Variants in WSCD2 observed in about 807,000 individuals in gnomAD.
The protein encoded by WSCD2 is sialate:O-sulfotransferase 2.
A neutral mutation model predicts 55.7 loss-of-function variants in WSCD2; 28 were observed. That is an observed-to-expected ratio of 0.50 (90% CI 0.37 to 0.69). The LOEUF (loss-of-function observed/expected upper bound fraction) is 0.69. Among genes scored for constraint, WSCD2 ranks in the 30% least tolerant of loss-of-function variants. WSCD2 has a pLI of 0.00. For synonymous variants in WSCD2, 301 were observed against 301.9 expected (o/e 1.00, Z 0.03); for missense variants, 616 against 762.1 (o/e 0.81, Z 2.26).
chr12:108,147,744 T>A (rs771325879), intron 1 of WSCD2, among the ~76,000 whole-genome samples: 13 of 151,756 alleles, frequency 8.6e-5, no homozygotes, highest in Non-Finnish European at 1.9e-4. Flanking sequence ...CCGGGTGTGG[T>A]GTTGCACACC....
In WSCD2 at chr12:108,248,289, A is replaced by G; in HGVS notation, c.1644A>G (p.Ala548=). 1 of 1,614,220 alleles carries G rather than the reference A, an allele frequency of 6.2e-7. No homozygotes were observed. Among genetic ancestry groups the G allele is most frequent in the Non-Finnish European group, 8.5e-7 (1 of 1,180,032 alleles). Reference sequence around the variant, plus strand: ...CTGCCTACATCAAGATGGTGGATGCAGCCCTCAAAGGGCGGAACCTAACGG... The same window carrying G: ...CTGCCTACATCAAGATGGTGGATGCGGCCCTCAAAGGGCGGAACCTAACGG... ...TISAYIKMVD[A]ALKGRNLTGV... is the part of the protein sequence containing the mutation. Residue 548 remains alanine, a synonymous_variant, in exon 9 of 9, where the codon GCA becomes GCG. Transcript: ENST00000547525. This position sits in a 1 kb window ranked among gnomAD's most constrained non-coding sequence, Gnocchi z 4.3.
intron 3 of WSCD2, among the ~76,000 whole-genome samples, chr12:108,208,435 AG>A (rs1271522624): frequency 1.3e-5 from 2 of 152,216 alleles, no homozygotes; most frequent in African/African-American, 2.4e-5. Context: ...TGCAAGGTGC[AG>A]GAAAGTCAAG....
chr12:108,133,716 G>A lies in WSCD2; in HGVS notation c.-552+3790G>A, dbSNP rs11113758. ...TCATTTTTCCAAGTGCCTTTGCCTT[G>A]CAGTGCTCCAAAGCCCGGTGTATCC... On this transcript the variant is annotated intron_variant, in intron 1 of 8. Transcript: ENST00000547525. Among the ~76,000 whole-genome samples, 623 of 152,268 alleles carry A rather than the reference G, an allele frequency of 4.1e-3. 4 individuals carry two copies. The highest frequency in any genetic ancestry group is 0.014 in the African/African-American group (583 of 41,544).
chr12:108,195,743 C>T lies in WSCD2; in HGVS notation c.-90C>T, dbSNP rs911701041. On this transcript the variant is annotated 5_prime_UTR_variant, in exon 2 of 9. Transcript: ENST00000547525. ...ACTGAGGACCCCCAAGTGTTCCATC[C>T]CTAAGGAAAGCTTGGGAAACCAAGC... 27 of 1,504,528 alleles carry T rather than the reference C, an allele frequency of 1.8e-5. No individual in the cohort carries two copies. In the African/African-American group the frequency reaches 3.1e-4, roughly 17 times the overall value. The allele number at this position is 1,504,528 out of a possible 1,614,324, so 93.2% of individuals were successfully genotyped here. A position where few individuals can be genotyped will look rare whatever the true frequency, so the allele number is the denominator to read the frequency against.
rs113409001 is a variant in WSCD2 at position 108,173,810 on chromosome 12, C to CTGTGTGTGTGTGTGTGTG, written c.-551-21444_-551-21427dup. On this transcript the variant is annotated intron_variant, in intron 1 of 8. Transcript: ENST00000547525. ...TGAGGCAGAGCTGATTCCTGGCTCT[C>CTGTGTGTGTGTGTGTGTG]TGTGTGTGTGTGTGTGTGTGTGTGT... 4.5e-3 allele frequency among the ~76,000 whole-genome samples: 594 copies of CTGTGTGTGTGTGTGTGTG among 131,198 alleles called. 3 individuals carry two copies. Among genetic ancestry groups the CTGTGTGTGTGTGTGTGTG allele is most frequent in the African/African-American group, 6.4e-3 (211 of 32,722 alleles). The allele number at this position is 131,198 out of a possible 152,430, so 86.1% of individuals were successfully genotyped here. A position where few individuals can be genotyped will look rare whatever the true frequency, so the allele number is the denominator to read the frequency against.
intron 1 of WSCD2, among the ~76,000 whole-genome samples, chr12:108,158,099 G>GA (rs1878699714): frequency 1.3e-5 from 2 of 152,118 alleles, no homozygotes; most frequent in South Asian, 4.1e-4. Flanking sequence ...GATGTCTGAG[G>GA]CTGTGAGCCC....
chr12:108,178,595 G>A (rs570516200), intron 1 of WSCD2, among the ~76,000 whole-genome samples: 56 of 152,184 alleles, frequency 3.7e-4, no homozygotes, highest in African/African-American at 1.2e-3. Context: ...TTCTTTATCC[G>A]CTTATTTTTA....
At chr12:108,140,716 CT>C (rs1592871278) in intron 1 of WSCD2, among the ~76,000 whole-genome samples, 1 of 152,184 alleles carries the variant, frequency 6.6e-6, no homozygotes, top group Non-Finnish European at 1.5e-5. Context: ...TTCCTGCCCC[CT>C]GACCCCCTGC....
intron 1 of WSCD2, among the ~76,000 whole-genome samples, chr12:108,146,972 A>G (rs1457399632): frequency 6.6e-6 from 1 of 152,246 alleles, no homozygotes; most frequent in East Asian, 1.9e-4. Flanking sequence ...GCCATTTATT[A>G]AACAGATAGT....
Position 108,240,326 on chromosome 12 carries a change from A to C in WSCD2, c.1145-18A>C. On this transcript the variant is annotated intron_variant, in intron 7 of 8. Transcript: ENST00000547525. Reference sequence around the variant, plus strand: ...CCCCAGCTCACCAGTCCTGTTCCTCACCTCTGGCTGCGGGAAGGGTTTAAA... The same window carrying C: ...CCCCAGCTCACCAGTCCTGTTCCTCCCCTCTGGCTGCGGGAAGGGTTTAAA... 6.2e-7 allele frequency: 1 copy of C among 1,613,308 alleles called. No individual in the cohort carries two copies. Among genetic ancestry groups the C allele is most frequent in the East Asian group, 2.2e-5 (1 of 44,850 alleles).
chr12:108,186,932 C>A (rs1273873619), intron 1 of WSCD2, among the ~76,000 whole-genome samples: 1 of 152,138 alleles, frequency 6.6e-6, no homozygotes, highest in African/African-American at 2.4e-5. Flanking sequence ...TTCTCGGGTC[C>A]TTTGTCTCTT....
At chr12:108,237,215 T>C (rs1889341060) in intron 7 of WSCD2, among the ~76,000 whole-genome samples, 1 of 152,192 alleles carries the variant, frequency 6.6e-6, no homozygotes. Context: ...CTCTGTTCCT[T>C]AGCTCCCCTA....
intron 2 of WSCD2, among the ~76,000 whole-genome samples, chr12:108,205,376 AC>A (rs1555233651): frequency 6.6e-6 from 1 of 152,254 alleles, no homozygotes; most frequent in Non-Finnish European, 1.5e-5. Context: ...TAAAGCACTT[AC>A]CAAAGTGAAT....
At chr12:108,137,953 C>A (rs1300714873) in intron 1 of WSCD2, among the ~76,000 whole-genome samples, 3 of 152,178 alleles carry the variant, frequency 2.0e-5, no homozygotes, top group East Asian at 1.9e-4. Context: ...AGGTTCAGAT[C>A]TTAGCCACTT....
In WSCD2 at chr12:108,210,457, CCCT is replaced by C; in HGVS notation, c.682+154_682+156del. 3.9e-6 allele frequency: 4 copies of C among 1,022,142 alleles called. No individual in the cohort carries two copies. The South Asian group carries it at 6.7e-5, about 17-fold the overall frequency. 63.3% of individuals were successfully genotyped at this position (1,022,142 alleles called of 1,614,324 possible). A position where few individuals can be genotyped will look rare whatever the true frequency, so the allele number is the denominator to read the frequency against. On this transcript the variant is annotated intron_variant, in intron 4 of 8. Transcript: ENST00000547525. The surrounding 1 kb of genome is among the most constrained non-coding windows in gnomAD (Gnocchi z 4.3). ...CTGCCCCTGCCTCACCTCTCCCACTCCCTCACAGAGCCCTTTGCCCCAGCTCCT... is the reference window on the plus strand; with the variant it reads ...CTGCCCCTGCCTCACCTCTCCCACTCCACAGAGCCCTTTGCCCCAGCTCCT...
intron 6 of WSCD2, among the ~76,000 whole-genome samples, chr12:108,227,479 C>T (rs1015735731): frequency 1.8e-4 from 28 of 152,330 alleles, no homozygotes; most frequent in Admixed American, 2.6e-4. Flanking sequence ...TGTGTTATCC[C>T]GGACAAGTCA....
chr12:108,131,213 G>A (rs1040765714), intron 1 of WSCD2, among the ~76,000 whole-genome samples: 1 of 152,202 alleles, frequency 6.6e-6, no homozygotes, highest in African/African-American at 2.4e-5. Context: ...TGAGCTTCAA[G>A]TTGGCTCTCA....
chr12:108,155,586 T>C (rs1878431277), intron 1 of WSCD2, among the ~76,000 whole-genome samples: 1 of 152,202 alleles, frequency 6.6e-6, no homozygotes, highest in African/African-American at 2.4e-5. Flanking sequence ...GTGATCTCTG[T>C]GAGTCAGAGA....
At chr12:108,134,673 C>T (rs1372585023) in intron 1 of WSCD2, among the ~76,000 whole-genome samples, 1 of 152,190 alleles carries the variant, frequency 6.6e-6, no homozygotes, top group African/African-American at 2.4e-5. Context: ...CTGTTTGACC[C>T]TGGTACCTAT....
Sources: gnomAD v4.1 joint callset for allele counts (sites outside exome capture counted in the v4.1 genomes callset) on GRCh38, gnomAD v4.1.1 for gene constraint, Gnocchi (gnomAD v3.1) non-coding constraint, MANE v1.5 for transcripts, NCBI Gene and HGNC (gene_info 2026-07-23, HGNC 2026-07-21) for gene names.